The following PHKG2 variants were observed in gnomAD, a reference collection of about 807,000 sequenced individuals.
PHKG2 encodes phosphorylase kinase catalytic subunit gamma 2, also known as phosphorylase b kinase gamma catalytic chain, liver/testis isoform.
PHKG2 carries 28 observed loss-of-function variants against 44.5 expected under a neutral mutation model. That is an observed-to-expected ratio of 0.63 (90% confidence interval 0.47 to 0.86). The LOEUF is 0.86. Ranked by LOEUF, PHKG2 falls within the 40% of genes least tolerant of loss-of-function variation. The pLI is 0.00. For synonymous variants in PHKG2, 220 were observed against 211.2 expected, an observed-to-expected ratio of 1.04 and a Z score of -0.36; for missense variants, 498 against 547.5, an observed-to-expected ratio of 0.91 and a Z score of 0.90.
chr16:30,757,000 A>G lies in PHKG2; in HGVS notation c.1124A>G (p.Gln375Arg), dbSNP rs1180393390. 2 of 1,612,128 alleles carry G rather than the reference A, an allele frequency of 1.2e-6. No individual in the cohort carries two copies. The highest frequency in any genetic ancestry group is 1.7e-6 in the Non-Finnish European group (2 of 1,180,020). ...CAGCAGAACCGGGCGGCTCTCTTTC[A>G]GCACCGGCCCCCTGGGCCTTTTCCC... ...GEQQNRAALF[Q>R]HRPPGPFPIM... The change falls in exon 10 of 10, where the codon CAG (glutamine) becomes CGG (arginine). Residue 375 changes from glutamine to arginine, a missense_variant. Physicochemically the swap from Gln to Arg is conservative, Grantham distance 43 (BLOSUM62 1). Coordinates refer to ENST00000563588, the MANE Select transcript of PHKG2 (RefSeq NM_000294.3).
chr16:30,760,763 G>T lies in PHKG2; in HGVS notation c.*3666G>T. ...GTGAGACTGGGAGTTGGCCACCGGCGTGAAGCTGGGCTCTTTTGCCAGCTT... is the reference window on the plus strand; with the variant it reads ...GTGAGACTGGGAGTTGGCCACCGGCTTGAAGCTGGGCTCTTTTGCCAGCTT... On this transcript the variant is annotated 3_prime_UTR_variant, in exon 10 of 10. Transcript: ENST00000563588. 1 of 1,130,582 alleles carries T rather than the reference G, an allele frequency of 8.8e-7. No individual in the cohort carries two copies. The highest frequency in any genetic ancestry group is 1.3e-6 in the Non-Finnish European group (1 of 768,724). 70.0% of individuals were successfully genotyped at this position (1,130,582 alleles called of 1,614,324 possible). A position where few individuals can be genotyped will look rare whatever the true frequency, so the allele number is the denominator to read the frequency against.
In PHKG2 at chr16:30,756,681, A is replaced by C; in HGVS notation, c.893A>C (p.Gln298Pro). The change falls in exon 9 of 10, where the codon CAA becomes CCA. Residue 298 changes from glutamine (Q) to proline (P), a missense_variant. Gln to Pro is a moderately conservative substitution (Grantham distance 76, BLOSUM62 -1). Coordinates refer to ENST00000563588, the MANE Select transcript of PHKG2 (RefSeq NM_000294.3). Reference protein sequence around the residue: ...HPFFERCEGSQPWNLTPRQRF... With the variant: ...HPFFERCEGSPPWNLTPRQRF... Reference sequence around the variant, plus strand: ...TTCTTTGAGCGTTGTGAAGGCAGCCAACCCTGGAACCTCACCCCCCGCCAG... The same window carrying C: ...TTCTTTGAGCGTTGTGAAGGCAGCCCACCCTGGAACCTCACCCCCCGCCAG... 1 of 1,614,076 alleles carries C rather than the reference A, an allele frequency of 6.2e-7. No homozygotes were observed. The highest frequency in any genetic ancestry group is 1.1e-5 in the South Asian group (1 of 91,090).
Position 30,760,067 on chromosome 16 carries a change from A to G in PHKG2, c.*2970A>G, listed in dbSNP as rs1466468111. The G allele has an allele frequency of 2.6e-6, 4 of 1,531,932 alleles. No individual in the cohort carries two copies. Among genetic ancestry groups the G allele is most frequent in the Non-Finnish European group, 2.6e-6 (3 of 1,144,908 alleles). The allele number at this position is 1,531,932 out of a possible 1,614,324, so 94.9% of individuals were successfully genotyped here. On this transcript the variant is annotated 3_prime_UTR_variant, in exon 10 of 10. Coordinates refer to ENST00000563588, the MANE Select transcript of PHKG2 (RefSeq NM_000294.3). ...GTGCACTATGCATATATTTGCATAT[A>G]TTATTTCTCAGAACAGTCCTGTAAA...
Position 30,748,925 on chromosome 16 carries a change from C to T in PHKG2, c.95+10C>T. ...AGGACGTCATCGGCAGGTAAGGCCG[C>T]GGCCAGGGAAACGGAGGTCCAAAGA... On this transcript the variant is annotated intron_variant, in intron 2 of 9. Transcript: ENST00000563588. 6.5e-7 allele frequency: 1 copy of T among 1,547,592 alleles called. No homozygotes were observed. The highest frequency in any genetic ancestry group is 8.7e-7 in the Non-Finnish European group (1 of 1,143,574).
rs2053733939 is a variant in PHKG2 at position 30,760,967 on chromosome 16, T to C, written c.*3870T>C. 1 of 613,530 alleles carries C rather than the reference T, an allele frequency of 1.6e-6. No homozygotes were observed. Among genetic ancestry groups the C allele is most frequent in the African/African-American group, 1.8e-5 (1 of 54,076 alleles). 38.0% of individuals were successfully genotyped at this position (613,530 alleles called of 1,614,324 possible). A position where few individuals can be genotyped will look rare whatever the true frequency, so the allele number is the denominator to read the frequency against. On this transcript the variant is annotated 3_prime_UTR_variant, in exon 10 of 10. Transcript: ENST00000563588. ...AGTGTCCCCCTCTGTACAATACTCC[T>C]TAGCGGCCATGAGACTCCATTTACA...
In PHKG2 at chr16:30,760,899, C is replaced by G; in HGVS notation, c.*3802C>G. Reference sequence around the variant, plus strand: ...TCTTGAATTCTTTTTTCTGCTCTGCCACTACCTTGTATGACCTTGGTCAAG... The same window carrying G: ...TCTTGAATTCTTTTTTCTGCTCTGCGACTACCTTGTATGACCTTGGTCAAG... On this transcript the variant is annotated 3_prime_UTR_variant, in exon 10 of 10. Transcript: ENST00000563588. 1 of 618,538 alleles carries G rather than the reference C, an allele frequency of 1.6e-6. No homozygotes were observed. The allele number at this position is 618,538 out of a possible 1,614,324, so 38.3% of individuals were successfully genotyped here.
In PHKG2 at chr16:30,756,170, C is replaced by T. The variant is rs2053423008; in HGVS notation, c.557-12C>T. 1 of 1,609,952 alleles carries T rather than the reference C, an allele frequency of 6.2e-7. No individual in the cohort carries two copies. The highest frequency in any genetic ancestry group is 1.1e-5 in the South Asian group (1 of 91,008). On this transcript the variant is annotated splice_polypyrimidine_tract_variant and intron_variant, in intron 6 of 9. Coordinates refer to ENST00000563588, the MANE Select transcript of PHKG2 (RefSeq NM_000294.3). ...TGGTGGCATCCCCTCAATCTTGGTC[C>T]TCTCTCCCCAGAGTTGTGTGGGACC...
rs2053509049 is a variant in PHKG2 at position 30,758,235 on chromosome 16, C to T, written c.*1138C>T. On this transcript the variant is annotated 3_prime_UTR_variant, in exon 10 of 10. Transcript: ENST00000563588. ...TACAGGCACCCGCCACCACGCCCGG[C>T]TAACTTTTTGTATTTTTAGTAGAGA... 1 of 152,398 alleles carries T rather than the reference C, an allele frequency of 6.6e-6. No individual in the cohort carries two copies. Among genetic ancestry groups the T allele is most frequent in the South Asian group, 2.0e-4 (1 of 4,888 alleles). The allele number at this position is 152,398 out of a possible 1,614,324, so 9.4% of individuals were successfully genotyped here.
intron 6 of PHKG2, 41 bp from the exon 7 acceptor site, chr16:30,756,141 G>A (rs770573741): frequency 2.7e-6 from 4 of 1,464,366 alleles, no homozygotes; most frequent in East Asian, 2.3e-5. Flanking sequence ...GGCCCTAGAG[G>A]GGCTGGTGGC....
At chr16:30,756,782 C>G (rs771578478) in intron 9 of PHKG2, 22 bp from the exon 10 acceptor site, 1 of 1,614,166 alleles carries the variant, frequency 6.2e-7, no homozygotes, top group African/African-American at 1.3e-5. Flanking sequence ...TGCACTAGAG[C>G]TCACCCTGCC....
chr16:30,760,248 C>A lies in PHKG2; in HGVS notation c.*3151C>A. On this transcript the variant is annotated 3_prime_UTR_variant, in exon 10 of 10. Transcript: ENST00000563588. ...TTGTGCCAGGCCCGGTTCCTCTTCT[C>A]CCTGGGGCTCAAACCTGGTAGCTGC... 3 of 1,613,958 alleles carry A rather than the reference C, an allele frequency of 1.9e-6. No individual in the cohort carries two copies. The highest frequency in any genetic ancestry group is 1.1e-5 in the South Asian group (1 of 91,090).
chr16:30,755,935 A>G (rs778717244), intron 6 of PHKG2, among the ~76,000 whole-genome samples: 1 of 152,154 alleles, frequency 6.6e-6, no homozygotes, highest in Non-Finnish European at 1.5e-5. Flanking sequence ...GGCAAATGAT[A>G]TGGTGGAACA....
At chr16:30,749,594 T>G (rs1297773491) in intron 2 of PHKG2, among the ~76,000 whole-genome samples, 1 of 152,198 alleles carries the variant, frequency 6.6e-6, no homozygotes, top group Non-Finnish European at 1.5e-5. Flanking sequence ...TCTGCCCGCC[T>G]CAGCCTCCCA....
intron 6 of PHKG2, 72 bp from the exon 7 acceptor site, chr16:30,756,110 C>T: frequency 1.8e-6 from 2 of 1,137,512 alleles, no homozygotes; most frequent in East Asian, 2.3e-5. Context: ...GAGGAGGCTC[C>T]AGCAGAGATC....
In PHKG2 at chr16:30,753,216, C is replaced by T. The variant is rs2053374663; in HGVS notation, c.327-16C>T. The T allele has an allele frequency of 1.9e-6, 3 of 1,609,686 alleles. No homozygotes were observed. Among genetic ancestry groups the T allele is most frequent in the East Asian group, 2.2e-5 (1 of 44,872 alleles). On this transcript the variant is annotated splice_polypyrimidine_tract_variant and intron_variant, in intron 4 of 9. Coordinates refer to ENST00000563588, the MANE Select transcript of PHKG2 (RefSeq NM_000294.3). ...CTGTGGGATGCAGCTGCCTCCTATG[C>T]CCCTCCTTCCCTTAGGATGCGGAAG...
chr16:30,759,920 G>C lies in PHKG2; in HGVS notation c.*2823G>C. 1 of 1,440,436 alleles carries C rather than the reference G, an allele frequency of 6.9e-7. No individual in the cohort carries two copies. Among genetic ancestry groups the C allele is most frequent in the East Asian group, 2.5e-5 (1 of 40,308 alleles). The allele number at this position is 1,440,436 out of a possible 1,614,324, so 89.2% of individuals were successfully genotyped here. A position where few individuals can be genotyped will look rare whatever the true frequency, so the allele number is the denominator to read the frequency against. On this transcript the variant is annotated 3_prime_UTR_variant, in exon 10 of 10. Transcript: ENST00000563588. ...CTGTATGGTTTTCGGCACTGAACAA[G>C]ACAGACAAGGTCCTGCCCTTACGAA...
At chr16:30,754,122 C>T (rs910133619) in intron 6 of PHKG2, among the ~76,000 whole-genome samples, 3 of 151,776 alleles carry the variant, frequency 2.0e-5, no homozygotes, top group Non-Finnish European at 4.4e-5. Flanking sequence ...CTACCGTTTA[C>T]TGGGCATTCA....
At chr16:30,752,171 T>C (rs370001349) in intron 4 of PHKG2, among the ~76,000 whole-genome samples, 1 of 33,388 alleles carries the variant, frequency 3.0e-5, no homozygotes. Context: ...CTGAGGCAGG[T>C]GGATCACCTG....
At position 30,759,374 on chromosome 16, in the gene PHKG2, A is replaced by G; in HGVS notation, c.*2277A>G. 2.5e-6 allele frequency: 4 copies of G among 1,614,236 alleles called. No individual in the cohort carries two copies. In the South Asian group the frequency reaches 4.4e-5, roughly 18 times the overall value. Reference sequence around the variant, plus strand: ...GTGAAGACGTATTTATAGAGCTTGAAGTGGCGGAAGTAAGTGTTGACCACG... The same window carrying G: ...GTGAAGACGTATTTATAGAGCTTGAGGTGGCGGAAGTAAGTGTTGACCACG... On this transcript the variant is annotated 3_prime_UTR_variant, in exon 10 of 10. Transcript: ENST00000563588.
Sources: allele counts gnomAD v4.1 joint callset (sites outside exome capture counted in the v4.1 genomes callset), GRCh38; gene constraint gnomAD v4.1.1; transcripts MANE v1.5; gene names NCBI Gene and HGNC (gene_info 2026-07-23, HGNC 2026-07-21).